The following SEMA6D variants were observed in gnomAD, a reference collection of about 807,000 sequenced individuals.
The protein encoded by SEMA6D is semaphorin-6D.
A neutral mutation model predicts 106.6 loss-of-function variants in SEMA6D; 35 were observed. The observed-to-expected ratio is 0.33, with a 90% CI of 0.25 to 0.44. The LOEUF (loss-of-function observed/expected upper bound fraction) is 0.44. Ranked by LOEUF, SEMA6D falls within the 20% of genes least tolerant of loss-of-function variation. SEMA6D has a pLI of 1.00. For missense variants in SEMA6D, 1,185 were observed against 1,345.9 expected (o/e 0.88, Z 1.87); for synonymous variants, 499 against 487.7 (o/e 1.02, Z -0.31).
chr15:47,575,345 A>T (rs1415757822), intron 3 of SEMA6D, among the ~76,000 whole-genome samples: 4 of 152,196 alleles, frequency 2.6e-5, no homozygotes, highest in African/African-American at 9.7e-5. Flanking sequence ...AGGGTGAGTC[A>T]TAGCTGAAGC....
At position 47,695,292 on chromosome 15, in the gene SEMA6D, G is replaced by A. The variant is rs116220013; in HGVS notation, c.-54-64453G>A. Reference sequence around the variant, plus strand: ...CTTTAAGAATCTTGCTAGAATAGCCGTGCAAATTAATATTCTTTTCAGTGA... The same window carrying A: ...CTTTAAGAATCTTGCTAGAATAGCCATGCAAATTAATATTCTTTTCAGTGA... On this transcript the variant is annotated intron_variant, in intron 4 of 19. Coordinates refer to the SEMA6D transcript ENST00000558014. Among the ~76,000 whole-genome samples the A allele has an allele frequency of 9.5e-4, 145 of 152,278 alleles. 1 individual carries two copies. The highest frequency in any genetic ancestry group is 3.4e-3 in the African/African-American group (141 of 41,558).
intron 1 of SEMA6D, among the ~76,000 whole-genome samples, chr15:47,289,546 A>G (rs1336586908): frequency 6.6e-6 from 1 of 152,122 alleles, no homozygotes; most frequent in African/African-American, 2.4e-5. Context: ...GTGAAAGGCA[A>G]AAAGTGAGGC....
intron 1 of SEMA6D, among the ~76,000 whole-genome samples, chr15:47,356,858 A>G (rs1253022794): frequency 1.3e-5 from 2 of 152,192 alleles, no homozygotes; most frequent in African/African-American, 4.8e-5. Flanking sequence ...CTCTCTGCCC[A>G]ATACACATGT....
Position 47,762,170 on chromosome 15 carries a change from A to G in SEMA6D, c.539-30A>G, listed in dbSNP as rs369646106. On this transcript the variant is annotated intron_variant, in intron 7 of 18. Coordinates refer to ENST00000536845, the MANE Select transcript of SEMA6D (RefSeq NM_001358351.3). ...AACACACTGCAGGATAATTATGGTT[A>G]TCTTACCAAAATTATACCTTTGGTT... The G allele has an allele frequency of 6.2e-6, 10 of 1,613,242 alleles. No individual in the cohort carries two copies. The African/African-American group carries it at 9.3e-5, about 15-fold the overall frequency.
chr15:47,730,948 G>A (rs1270069153), intron 1 of SEMA6D: 3 of 705,706 alleles, frequency 4.3e-6, no homozygotes, highest in African/African-American at 1.8e-5. Context: ...TGGGCAGCGG[G>A]AGGAGAGAGC....
rs16959434 is a variant in SEMA6D, at chr15:47,416,689, A to G, written c.-159+4217A>G. On this transcript the variant is annotated intron_variant, in intron 2 of 19. Coordinates refer to the SEMA6D transcript ENST00000558014. Reference sequence around the variant, plus strand: ...TGTGGAGGTAAGATATAATCAGCAAAGAGAGCTCCTTAGGACCCTTCCCAG... The same window carrying G: ...TGTGGAGGTAAGATATAATCAGCAAGGAGAGCTCCTTAGGACCCTTCCCAG... 1.5e-3 allele frequency among the ~76,000 whole-genome samples: 225 copies of G among 152,254 alleles called. 1 individual carries two copies. The highest frequency in any genetic ancestry group is 5.3e-3 in the African/African-American group (221 of 41,562).
intron 4 of SEMA6D, among the ~76,000 whole-genome samples, chr15:47,652,571 G>A (rs747650657): frequency 3.3e-5 from 5 of 152,136 alleles, no homozygotes; most frequent in Non-Finnish European, 5.9e-5. Context: ...AATGTTGAGT[G>A]TTTTTGCATC....
At chr15:47,368,798 A>G (rs905784278) in intron 1 of SEMA6D, among the ~76,000 whole-genome samples, 2 of 152,230 alleles carry the variant, frequency 1.3e-5, no homozygotes, top group African/African-American at 4.8e-5. Context: ...TCATCTGATC[A>G]AAAGTGTCTG....
chr15:47,732,125 T>C (rs2146718682), intron 1 of SEMA6D, among the ~76,000 whole-genome samples: 1 of 152,328 alleles, frequency 6.6e-6, no homozygotes, highest in South Asian at 2.1e-4. Context: ...AATAAGGTGC[T>C]CAGTCATGTT....
chr15:47,463,093 C>T (rs2042561218), intron 2 of SEMA6D, among the ~76,000 whole-genome samples: 1 of 152,064 alleles, frequency 6.6e-6, no homozygotes, highest in Non-Finnish European at 1.5e-5. Flanking sequence ...ACCTCAGTTT[C>T]CTGAAGGAAT....
chr15:47,465,059 T>G (rs1477128212), intron 2 of SEMA6D, among the ~76,000 whole-genome samples: 2 of 152,134 alleles, frequency 1.3e-5, no homozygotes, highest in Admixed American at 1.3e-4. Flanking sequence ...CTGACTCCCC[T>G]CACCACTCAC....
intron 1 of SEMA6D, among the ~76,000 whole-genome samples, chr15:47,214,721 A>T (rs1405181198): frequency 1.3e-5 from 2 of 152,202 alleles, no homozygotes; most frequent in Non-Finnish European, 2.9e-5. Context: ...CCTGAGGGAA[A>T]TTGTGATCAC....
At chr15:47,604,723 T>G (rs1289637582) in intron 4 of SEMA6D, among the ~76,000 whole-genome samples, 1 of 152,156 alleles carries the variant, frequency 6.6e-6, no homozygotes, top group Non-Finnish European at 1.5e-5. Context: ...CTATAAGGAA[T>G]TATTCACTGT....
chr15:47,730,599 AC>A, intron 1 of SEMA6D: 1 of 1,554,626 alleles, frequency 6.4e-7, no homozygotes, highest in South Asian at 1.1e-5. Flanking sequence ...GCCCAGGCCA[AC>A]AGTCTCTGCT....
intron 3 of SEMA6D, among the ~76,000 whole-genome samples, chr15:47,542,051 G>C (rs1264651045): frequency 1.3e-5 from 2 of 152,140 alleles, no homozygotes; most frequent in East Asian, 3.8e-4. Context: ...CAAGAAACAT[G>C]AAGACATTGA....
At chr15:47,743,001 A>G (rs2080907165) in intron 1 of SEMA6D, among the ~76,000 whole-genome samples, 1 of 152,192 alleles carries the variant, frequency 6.6e-6, no homozygotes, top group African/African-American at 2.4e-5. Context: ...TTGCATGTCT[A>G]AAGAAAGCAA....
At chr15:47,749,719 G>A (rs187210452) in intron 1 of SEMA6D, among the ~76,000 whole-genome samples, 1 of 152,316 alleles carries the variant, frequency 6.6e-6, no homozygotes, top group Admixed American at 6.5e-5. Flanking sequence ...TTGGACAGCT[G>A]GATTGGAACT....
intron 4 of SEMA6D, among the ~76,000 whole-genome samples, chr15:47,616,233 A>C (rs916073910): frequency 6.6e-6 from 1 of 151,448 alleles, no homozygotes; most frequent in African/African-American, 2.4e-5. Context: ...GCAGTGGTGC[A>C]ATCTCAGCTA....
chr15:47,639,932 C>A (rs1334688161), intron 4 of SEMA6D, among the ~76,000 whole-genome samples: 1 of 152,076 alleles, frequency 6.6e-6, no homozygotes, highest in East Asian at 1.9e-4. Context: ...GGATCGGATC[C>A]TGGAACTGCA....
Sources: allele counts gnomAD v4.1 joint callset (sites outside exome capture counted in the v4.1 genomes callset), GRCh38; gene constraint gnomAD v4.1.1; transcripts MANE v1.5; gene names NCBI Gene and HGNC (gene_info 2026-07-23, HGNC 2026-07-21).